PPP1R13B: variants seen among roughly 807,000 people sequenced by gnomAD.
The protein encoded by PPP1R13B is protein phosphatase 1 regulatory subunit 13B.
A neutral mutation model predicts 119.8 loss-of-function variants in PPP1R13B; 44 were observed. That is an observed-to-expected ratio of 0.37 (90% CI 0.29 to 0.47). The LOEUF (loss-of-function observed/expected upper bound fraction) is 0.47. Ranked by LOEUF, PPP1R13B falls within the 20% of genes least tolerant of loss-of-function variation. The pLI is 0.99. For missense variants in PPP1R13B, 1,227 were observed against 1,413.5 expected, an observed-to-expected ratio of 0.87 and a Z score of 2.12; for synonymous variants, 542 against 561.5, an observed-to-expected ratio of 0.97 and a Z score of 0.49.
intron 1 of PPP1R13B, among the ~76,000 whole-genome samples, chr14:103,823,977 G>C (rs1191663070): frequency 6.8e-6 from 1 of 147,054 alleles, no homozygotes; most frequent in African/African-American, 2.5e-5. Flanking sequence ...GCCACATGAA[G>C]TAGAATGTTA....
intron 2 of PPP1R13B, among the ~76,000 whole-genome samples, chr14:103,791,169 T>A (rs1469879446): frequency 6.6e-6 from 1 of 151,814 alleles, no homozygotes; most frequent in African/African-American, 2.4e-5. Flanking sequence ...CCACCCAGGC[T>A]AAAGTGCAGT....
chr14:103,762,121 C>A (rs1386128551), intron 4 of PPP1R13B, among the ~76,000 whole-genome samples: 1 of 152,170 alleles, frequency 6.6e-6, no homozygotes, highest in Non-Finnish European at 1.5e-5. Flanking sequence ...ATTATAAGTT[C>A]AGTCACAGTG....
Position 103,757,659 on chromosome 14 carries a change from C to G in PPP1R13B, c.447G>C (p.Leu149Phe), listed in dbSNP as rs1408688604. 10 of 1,613,814 alleles carry G rather than the reference C, an allele frequency of 6.2e-6. No individual in the cohort carries two copies. The highest frequency in any genetic ancestry group is 6.8e-6 in the Non-Finnish European group (8 of 1,179,868). The change falls in exon 5 of 17, where the codon TTG becomes TTC. Residue 149 changes from leucine (L) to phenylalanine (F), a missense_variant. Physicochemically the swap from Leu to Phe is conservative, Grantham distance 22 (BLOSUM62 0). Coordinates refer to ENST00000202556, the MANE Select transcript of PPP1R13B (RefSeq NM_015316.3). ...TCTTTTTATAACTTACCTTGGCAAC[C>G]AACATCTGCTGCTGATTTTCAATCT... ...QQQIENQQQM[L>F]VAKEQRLHFL...
intron 2 of PPP1R13B, among the ~76,000 whole-genome samples, chr14:103,788,676 CA>C (rs1386903725): frequency 7.9e-6 from 1 of 127,336 alleles, no homozygotes; most frequent in African/African-American, 3.0e-5. Context: ...GACCCTGTCT[CA>C]AAACAATCAA....
At chr14:103,833,540 A>G (rs11160766) in intron 1 of PPP1R13B, among the ~76,000 whole-genome samples, 87,781 of 151,958 alleles carry the variant, frequency 0.58, 27,251 homozygotes, top group African/African-American at 0.83. Flanking sequence ...CTCCTGGGGA[A>G]GCTGAGGCAT....
rs1302672643 is a variant in PPP1R13B, at chr14:103,821,437, A to G, written c.10-23919T>C. On this transcript the variant is annotated intron_variant, in intron 1 of 16. Coordinates refer to ENST00000202556, the MANE Select transcript of PPP1R13B (RefSeq NM_015316.3). Reference sequence around the variant, plus strand: ...AAAGAGACCCAAAATTGACACAGGAACATATCAAGTGTGAATTATAAATAC... The same window carrying G: ...AAAGAGACCCAAAATTGACACAGGAGCATATCAAGTGTGAATTATAAATAC... Among the ~76,000 whole-genome samples the G allele has an allele frequency of 2.0e-5, 3 of 152,344 alleles. No homozygotes were observed. The East Asian group carries it at 5.8e-4, about 29-fold the overall frequency.
chr14:103,751,609 G>T (rs1372518673), intron 7 of PPP1R13B, among the ~76,000 whole-genome samples: 1 of 152,138 alleles, frequency 6.6e-6, no homozygotes, highest in Non-Finnish European at 1.5e-5. Context: ...GTCTTTAGGA[G>T]GTAATTAGGT....
chr14:103,736,663 T>C (rs1465651089), intron 15 of PPP1R13B: 1 of 161,388 alleles, frequency 6.2e-6, no homozygotes. Context: ...GACCCAGTTG[T>C]GGTGACCATG....
At chr14:103,822,615 C>G (rs1204488912) in intron 1 of PPP1R13B, among the ~76,000 whole-genome samples, 1 of 151,878 alleles carries the variant, frequency 6.6e-6, no homozygotes, top group East Asian at 2.0e-4. Flanking sequence ...AGTTCAAGAC[C>G]AGCCTGGCCA....
At position 103,740,060 on chromosome 14, in the gene PPP1R13B, C is replaced by T. The variant is rs753315793; in HGVS notation, c.2356G>A (p.Ala786Thr). The T allele has an allele frequency of 3.7e-6, 6 of 1,613,990 alleles. No individual in the cohort carries two copies. Among genetic ancestry groups the T allele is most frequent in the Non-Finnish European group, 5.1e-6 (6 of 1,179,982 alleles). Residue 786 changes from alanine (A) to threonine (T), a missense_variant, in exon 12 of 17, where the codon GCC (alanine) becomes ACC (threonine). Physicochemically the swap from Ala to Thr is moderately conservative, Grantham distance 58 (BLOSUM62 0). Transcript: ENST00000202556. This position sits in a 1 kb window ranked among gnomAD's most constrained non-coding sequence, Gnocchi z 4.6. The stretch of plus-strand genomic sequence containing the variant: ...TTATCATTGGCATCTGATGACGGGG[C>T]AGGCTCAGCGGGGAGTGGGGCTGTG... ...QPTAPLPAEP[A>T]PSSDANDNEL...
At chr14:103,823,922 C>A (rs1333730037) in intron 1 of PPP1R13B, among the ~76,000 whole-genome samples, 6 of 151,968 alleles carry the variant, frequency 3.9e-5, no homozygotes, top group Non-Finnish European at 7.4e-5. Context: ...TCCTTTCAAA[C>A]CCTTTCTACA....
chr14:103,776,739 GTGT>G (rs2085206414), intron 4 of PPP1R13B, among the ~76,000 whole-genome samples: 2 of 151,988 alleles, frequency 1.3e-5, no homozygotes, highest in South Asian at 4.2e-4. Context: ...GGGCGTGGCG[GTGT>G]GCGCCTGTAG....
intron 1 of PPP1R13B, among the ~76,000 whole-genome samples, chr14:103,822,956 C>T (rs777477276): frequency 1.3e-5 from 2 of 152,166 alleles, no homozygotes; most frequent in African/African-American, 2.4e-5. Flanking sequence ...ATGCTTGACA[C>T]CTTGCTGGGG....
In PPP1R13B at chr14:103,738,398, G is replaced by T; in HGVS notation, c.2864+281C>A. 2.1e-6 allele frequency: 1 copy of T among 474,238 alleles called. No homozygotes were observed. Among genetic ancestry groups the T allele is most frequent in the Admixed American group, 3.4e-5 (1 of 29,378 alleles). 29.4% of individuals were successfully genotyped at this position (474,238 alleles called of 1,614,324 possible). On this transcript the variant is annotated intron_variant, in intron 14 of 16. Coordinates refer to ENST00000202556, the MANE Select transcript of PPP1R13B (RefSeq NM_015316.3). This position sits in a 1 kb window ranked among gnomAD's most constrained non-coding sequence, Gnocchi z 5.6. Reference sequence around the variant, plus strand: ...AGAGTCCATACGGAACATATGAGAAGGGGAAGATGGAATGATTCACAGAAT... The same window carrying T: ...AGAGTCCATACGGAACATATGAGAATGGGAAGATGGAATGATTCACAGAAT...
At position 103,784,927 on chromosome 14, in the gene PPP1R13B, C is replaced by A; in HGVS notation, c.158-13G>T. ...GGTATGGGACGTTCTAGGAAAAAGA[C>A]CACATCTTTTTTACTCCAGAATTAA... On this transcript the variant is annotated splice_polypyrimidine_tract_variant and intron_variant, in intron 2 of 16. Coordinates refer to ENST00000202556, the MANE Select transcript of PPP1R13B (RefSeq NM_015316.3). 3.2e-6 allele frequency: 5 copies of A among 1,548,478 alleles called. No individual in the cohort carries two copies. The highest frequency in any genetic ancestry group is 3.5e-6 in the Non-Finnish European group (4 of 1,137,678).
chr14:103,819,948 T>C (rs903026616), intron 1 of PPP1R13B, among the ~76,000 whole-genome samples: 1 of 152,238 alleles, frequency 6.6e-6, no homozygotes. Context: ...AGACCCACAG[T>C]TACTTGTAGT....
chr14:103,774,196 A>G (rs1227093628), intron 4 of PPP1R13B, among the ~76,000 whole-genome samples: 1 of 152,246 alleles, frequency 6.6e-6, no homozygotes, highest in Non-Finnish European at 1.5e-5. Flanking sequence ...AGCTCTTAGA[A>G]GAAAACACAG....
chr14:103,838,754 G>T (rs561477631), intron 1 of PPP1R13B, among the ~76,000 whole-genome samples: 1 of 152,128 alleles, frequency 6.6e-6, no homozygotes, highest in Non-Finnish European at 1.5e-5. Flanking sequence ...AACTTTCACC[G>T]TACTAATGCA....
Position 103,825,469 on chromosome 14 carries a change from A to T in PPP1R13B, c.9+21830T>A, listed in dbSNP as rs567148329. 9.2e-5 allele frequency among the ~76,000 whole-genome samples: 14 copies of T among 152,360 alleles called. No homozygotes were observed. The South Asian group carries it at 2.9e-3, about 32-fold the overall frequency. On this transcript the variant is annotated intron_variant, in intron 1 of 16. Transcript: ENST00000202556. Reference sequence around the variant, plus strand: ...AAAGGAAAACTTCCTAAAATAAATTAAAAGTGCTACCCAGTGAACACACAA... The same window carrying T: ...AAAGGAAAACTTCCTAAAATAAATTTAAAGTGCTACCCAGTGAACACACAA...
Sources: allele counts gnomAD v4.1 joint callset (sites outside exome capture counted in the v4.1 genomes callset), GRCh38; gene constraint gnomAD v4.1.1; non-coding constraint Gnocchi (gnomAD v3.1); transcripts MANE v1.5; gene names NCBI Gene and HGNC (gene_info 2026-07-23, HGNC 2026-07-21).